The following PPARA variants were observed in gnomAD, a reference collection of about 807,000 sequenced individuals.
PPARA encodes the protein peroxisome proliferator-activated receptor alpha.
In PPARA, 22 loss-of-function variants were observed where a neutral mutation model predicts 42.2. That is an observed-to-expected ratio of 0.52 (90% CI 0.37 to 0.74). The LOEUF (loss-of-function observed/expected upper bound fraction) is 0.74, where lower values mean the gene tolerates loss of function less well. Ranked by LOEUF, PPARA falls within the 30% of genes least tolerant of loss-of-function variation. PPARA has a pLI of 0.00. For missense variants in PPARA, 465 were observed against 608.2 expected, an observed-to-expected ratio of 0.76 and a Z score of 2.48; for synonymous variants, 242 against 239.3, an observed-to-expected ratio of 1.01 and a Z score of -0.10.
At chr22:46,213,219 G>T (rs1934105372) in intron 4 of PPARA, among the ~76,000 whole-genome samples, 1 of 152,144 alleles carries the variant, frequency 6.6e-6, no homozygotes, top group African/African-American at 2.4e-5. Flanking sequence ...CAGATTTGAT[G>T]ATGTCAGTTT....
intron 3 of PPARA, among the ~76,000 whole-genome samples, chr22:46,181,973 G>A (rs1461829759): frequency 6.6e-6 from 1 of 152,200 alleles, no homozygotes; most frequent in Non-Finnish European, 1.5e-5. Context: ...TGAGTAGCTG[G>A]GAGTACGGGT....
At position 46,216,356 on chromosome 22, in the gene PPARA, C is replaced by G. The variant is rs1486017344; in HGVS notation, c.369+1023C>G. On this transcript the variant is annotated intron_variant, in intron 5 of 8. Transcript: ENST00000407236. This position sits in a 1 kb window ranked among gnomAD's most constrained non-coding sequence, Gnocchi z 4.5. ...TGAGATCGAGCCATTTCACTCCAGCCTAGGCGACAAGAGTAAAACTTCATC... is the reference window on the plus strand; with the variant it reads ...TGAGATCGAGCCATTTCACTCCAGCGTAGGCGACAAGAGTAAAACTTCATC... Among the ~76,000 whole-genome samples, 1 of 148,874 alleles carries G rather than the reference C, an allele frequency of 6.7e-6. No homozygotes were observed. Among genetic ancestry groups the G allele is most frequent in the African/African-American group, 2.5e-5 (1 of 39,860 alleles).
In PPARA at chr22:46,191,975, G is replaced by T. The variant is rs1347487509; in HGVS notation, c.-42-6367G>T. Among the ~76,000 whole-genome samples the T allele has an allele frequency of 6.6e-6, 1 of 152,220 alleles. No individual in the cohort carries two copies. The highest frequency in any genetic ancestry group is 2.4e-5 in the African/African-American group (1 of 41,454). ...AGCTACTCAGGAGGCTGAGGCAGGA[G>T]AATCACTTGAACCCGTGAAACGGAA... On this transcript the variant is annotated intron_variant, in intron 3 of 8. Coordinates refer to ENST00000407236, the MANE Select transcript of PPARA (RefSeq NM_005036.6). The surrounding 1 kb of genome is among the most constrained non-coding windows in gnomAD (Gnocchi z 4.6).
chr22:46,218,509 C>G (rs989387129), intron 6 of PPARA, 108 bp downstream of exon 6: 255 of 1,543,358 alleles, frequency 1.7e-4, no homozygotes, highest in Non-Finnish European at 1.7e-4. Context: ...CATTTCACAC[C>G]CAAGTCATTT....
chr22:46,181,053 C>A (rs1036487872), intron 3 of PPARA, among the ~76,000 whole-genome samples: 7 of 151,242 alleles, frequency 4.6e-5, no homozygotes, highest in African/African-American at 1.5e-4. Flanking sequence ...AGGGTTTTGC[C>A]ATGTTGCCCA....
intron 3 of PPARA, among the ~76,000 whole-genome samples, 191 bp from the exon 4 acceptor site, chr22:46,198,151 T>G (rs1932521860): frequency 7.1e-6 from 1 of 141,398 alleles, no homozygotes; most frequent in Admixed American, 7.4e-5. Context: ...GGCAGGAGAA[T>G]GGTGTGAACC....
At chr22:46,186,858 A>G (rs951295506) in intron 3 of PPARA, among the ~76,000 whole-genome samples, 4 of 152,130 alleles carry the variant, frequency 2.6e-5, no homozygotes, top group Admixed American at 2.6e-4. Context: ...TATATATGCT[A>G]TGTTTTTTCC....
rs1303721797 is a variant in PPARA at position 46,218,421 on chromosome 22, A to G, written c.508+20A>G. Reference sequence around the variant, plus strand: ...ACAACGGTAGGTAAGGTGGCCCTGCACATTTTCCCAGTTCGTTCCTCAGTT... The same window carrying G: ...ACAACGGTAGGTAAGGTGGCCCTGCGCATTTTCCCAGTTCGTTCCTCAGTT... On this transcript the variant is annotated intron_variant, in intron 6 of 8. Transcript: ENST00000407236. The G allele has an allele frequency of 1.2e-6, 2 of 1,614,082 alleles. No homozygotes were observed. Among genetic ancestry groups the G allele is most frequent in the Non-Finnish European group, 8.5e-7 (1 of 1,179,986 alleles).
rs562249169 is a variant in PPARA at position 46,203,815 on chromosome 22, G to A, written c.208+5224G>A. 1.1e-4 allele frequency among the ~76,000 whole-genome samples: 17 copies of A among 152,242 alleles called. No individual in the cohort carries two copies. The highest frequency in any genetic ancestry group is 6.2e-4 in the South Asian group (3 of 4,826). ...GCCCAGGTGGGTCCCCGTCCCTTGC[G>A]GGCCTGTCCAGACAAGGGAACCCTG... On this transcript the variant is annotated intron_variant, in intron 4 of 8. Coordinates refer to ENST00000407236, the MANE Select transcript of PPARA (RefSeq NM_005036.6). The surrounding 1 kb of genome is among the most constrained non-coding windows in gnomAD (Gnocchi z 5.8).
At chr22:46,168,803 G>C (rs531651492) in intron 2 of PPARA, among the ~76,000 whole-genome samples, 1 of 152,080 alleles carries the variant, frequency 6.6e-6, no homozygotes, top group African/African-American at 2.4e-5. Flanking sequence ...TAAGAATGTG[G>C]AATAAGAACT....
chr22:46,194,104 C>T (rs983945350), intron 3 of PPARA, among the ~76,000 whole-genome samples: 5 of 152,176 alleles, frequency 3.3e-5, no homozygotes, highest in Admixed American at 2.0e-4. Flanking sequence ...GGCAGGTGCC[C>T]GTTTGGCCTC....
At chr22:46,215,596 G>A (rs920183138) in intron 5 of PPARA, among the ~76,000 whole-genome samples, 3 of 151,938 alleles carry the variant, frequency 2.0e-5, no homozygotes, top group Non-Finnish European at 4.4e-5. Context: ...AAAAAAATTA[G>A]CCAGGCGTGG....
rs934042697 is a variant in PPARA, at chr22:46,209,754, T to C, written c.209-5419T>C. Among the ~76,000 whole-genome samples the C allele has an allele frequency of 4.6e-5, 7 of 152,096 alleles. 1 individual carries two copies. In the South Asian group the frequency reaches 1.2e-3, roughly 27 times the overall value. ...ATGGTCAGAATAACTTTTTTTGCTGTTTTGTTTTAGAGACAGGGTCTCACT... is the reference window on the plus strand; with the variant it reads ...ATGGTCAGAATAACTTTTTTTGCTGCTTTGTTTTAGAGACAGGGTCTCACT... On this transcript the variant is annotated intron_variant, in intron 4 of 8. Coordinates refer to ENST00000407236, the MANE Select transcript of PPARA (RefSeq NM_005036.6).
rs1445741423 is a variant in PPARA, at chr22:46,241,553, C to A, written c.*6173C>A. The A allele has an allele frequency of 6.6e-6, 1 of 152,208 alleles. No homozygotes were observed. Among genetic ancestry groups the A allele is most frequent in the East Asian group, 1.9e-4 (1 of 5,192 alleles). The allele number at this position is 152,208 out of a possible 1,614,324, so 9.4% of individuals were successfully genotyped here. On this transcript the variant is annotated 3_prime_UTR_variant, in exon 9 of 9. Coordinates refer to ENST00000407236, the MANE Select transcript of PPARA (RefSeq NM_005036.6). This position sits in a 1 kb window ranked among gnomAD's most constrained non-coding sequence, Gnocchi z 5.7. Reference sequence around the variant, plus strand: ...GTGGCCTTATCAGAACAGAAAGAGACAGGCTGGTGCCCAAGGCTGCTGCCT... The same window carrying A: ...GTGGCCTTATCAGAACAGAAAGAGAAAGGCTGGTGCCCAAGGCTGCTGCCT...
At chr22:46,226,136 C>T (rs983705215) in intron 7 of PPARA, among the ~76,000 whole-genome samples, 1 of 148,624 alleles carries the variant, frequency 6.7e-6, no homozygotes, top group African/African-American at 2.6e-5. Context: ...CACACGTACC[C>T]ACACATATAC....
Position 46,184,970 on chromosome 22 carries a change from G to A in PPARA, c.-43+8134G>A, listed in dbSNP as rs1455477284. Among the ~76,000 whole-genome samples, 4 of 152,216 alleles carry A rather than the reference G, an allele frequency of 2.6e-5. No individual in the cohort carries two copies. Among genetic ancestry groups the A allele is most frequent in the African/African-American group, 4.8e-5 (2 of 41,444 alleles). On this transcript the variant is annotated intron_variant, in intron 3 of 8. Transcript: ENST00000407236. The surrounding 1 kb of genome is among the most constrained non-coding windows in gnomAD (Gnocchi z 4.4). The stretch of plus-strand genomic sequence containing the variant: ...CATGGTCTGGAATTTCCCAGTGAGT[G>A]ACCATCTGTGTGTGTGTATTCATCC...
At chr22:46,185,912 AAAAAATATATATATAT>A (rs1569207490) in intron 3 of PPARA, among the ~76,000 whole-genome samples, 10 of 58,860 alleles carry the variant, frequency 1.7e-4, no homozygotes, top group African/African-American at 8.0e-4. Flanking sequence ...AAAAAAAAAA[AAAAAATATATATATAT>A]ATATATATAT....
At chr22:46,206,030 A>C (rs1054514603) in intron 4 of PPARA, among the ~76,000 whole-genome samples, 5 of 152,046 alleles carry the variant, frequency 3.3e-5, no homozygotes, top group African/African-American at 1.2e-4. Context: ...TCTCTTTGGT[A>C]CATCTTTGTT....
intron 4 of PPARA, among the ~76,000 whole-genome samples, chr22:46,208,377 G>A (rs1404475055): frequency 2.6e-5 from 4 of 151,836 alleles, no homozygotes; most frequent in African/African-American, 7.3e-5. Flanking sequence ...GTGAAACCCC[G>A]TCCCTACTAA....
Sources: gnomAD v4.1 joint callset for allele counts (sites outside exome capture counted in the v4.1 genomes callset) on GRCh38, gnomAD v4.1.1 for gene constraint, Gnocchi (gnomAD v3.1) non-coding constraint, MANE v1.5 for transcripts, NCBI Gene and HGNC (gene_info 2026-07-23, HGNC 2026-07-21) for gene names.